The following CCDC126 variants were observed in gnomAD, a reference collection of about 807,000 sequenced individuals.
CCDC126 encodes coiled-coil domain-containing protein 126.
A neutral mutation model predicts 11.7 loss-of-function variants in CCDC126; 5 were observed. That is an observed-to-expected ratio of 0.43 (90% confidence interval 0.22 to 0.90). The LOEUF (loss-of-function observed/expected upper bound fraction) is 0.90. Among genes scored for constraint, CCDC126 ranks in the 40% least tolerant of loss-of-function variants. The probability of loss-of-function intolerance (pLI) is 0.27; values close to 1 mark genes in which losing one functional copy is unlikely to be tolerated. For missense variants in CCDC126, 150 were observed against 163.1 expected (o/e 0.92, Z 0.44); for synonymous variants, 60 against 61.9 (o/e 0.97, Z 0.14).
chr7:23,636,066 G>C (rs1194322997), intron 3 of CCDC126, among the ~76,000 whole-genome samples: 1 of 151,982 alleles, frequency 6.6e-6, no homozygotes, highest in Non-Finnish European at 1.5e-5. Flanking sequence ...GGGTTTTGCT[G>C]TGTTGGCCGG....
intron 2 of CCDC126, among the ~76,000 whole-genome samples, chr7:23,606,911 C>T (rs906067214): frequency 6.0e-5 from 9 of 151,092 alleles, no homozygotes; most frequent in East Asian, 1.9e-4. Flanking sequence ...GACTGGGCAA[C>T]GTAATGAGAC....
rs1035409371 is a variant in CCDC126 at position 23,619,950 on chromosome 7, A to G, written c.238+8397A>G. Among the ~76,000 whole-genome samples, 12 of 151,880 alleles carry G rather than the reference A, an allele frequency of 7.9e-5. No individual in the cohort carries two copies. The East Asian group carries it at 2.1e-3, about 27-fold the overall frequency. ...GGCTGCATAGTATTCCATGGTGTCT[A>G]TGTGCCACATTTTCTTAATCCAGTC... On this transcript the variant is annotated intron_variant, in intron 3 of 3. Transcript: ENST00000307471.
chr7:23,612,491 A>C (rs1021869730), intron 3 of CCDC126, among the ~76,000 whole-genome samples: 6 of 149,598 alleles, frequency 4.0e-5, no homozygotes, highest in African/African-American at 1.2e-4. Flanking sequence ...AAAAAAAAAA[A>C]AAAAAAAAAA....
At chr7:23,618,816 G>A (rs61325565) in intron 3 of CCDC126, among the ~76,000 whole-genome samples, 4 of 151,940 alleles carry the variant, frequency 2.6e-5, no homozygotes, top group African/African-American at 4.8e-5. Flanking sequence ...CCACCTCCCA[G>A]AGTGCTGGGA....
rs1783408354 is a variant in CCDC126, at chr7:23,643,736, G to A, written c.*621G>A. 1 of 152,530 alleles carries A rather than the reference G, an allele frequency of 6.6e-6. No homozygotes were observed. Among genetic ancestry groups the A allele is most frequent in the East Asian group, 1.9e-4 (1 of 5,182 alleles). The allele number at this position is 152,530 out of a possible 1,614,324, so 9.4% of individuals were successfully genotyped here. A position where few individuals can be genotyped will look rare whatever the true frequency, so the allele number is the denominator to read the frequency against. On this transcript the variant is annotated 3_prime_UTR_variant, in exon 4 of 4. Coordinates refer to ENST00000307471, the MANE Select transcript of CCDC126 (RefSeq NM_138771.4). ...ATTTTTAAAAATTACACTTATAAGA[G>A]TATAATCTTGAAATGGGTAGCAGCC...
chr7:23,618,538 ATTT>A (rs5741645), intron 3 of CCDC126, among the ~76,000 whole-genome samples: 61 of 119,590 alleles, frequency 5.1e-4, no homozygotes, highest in African/African-American at 9.0e-4. Flanking sequence ...GATCAGCTAA[ATTT>A]TTTTTTTTTT....
At chr7:23,615,741 C>CA (rs1169268813) in intron 3 of CCDC126, among the ~76,000 whole-genome samples, 4 of 152,242 alleles carry the variant, frequency 2.6e-5, no homozygotes, top group Admixed American at 1.3e-4. Flanking sequence ...GGGAGAGAGA[C>CA]AGAGGAAAGG....
intron 2 of CCDC126, among the ~76,000 whole-genome samples, chr7:23,608,017 A>G (rs1047859568): frequency 6.6e-6 from 1 of 152,226 alleles, no homozygotes; most frequent in Non-Finnish European, 1.5e-5. Context: ...GTGGCCGAAT[A>G]TACATATTTA....
At position 23,611,348 on chromosome 7, in the gene CCDC126, C is replaced by T. The variant is rs1302719719; in HGVS notation, c.33C>T (p.Ser11=). 1.2e-6 allele frequency: 2 copies of T among 1,611,820 alleles called. No homozygotes were observed. Among genetic ancestry groups the T allele is most frequent in the Non-Finnish European group, 1.7e-6 (2 of 1,178,774 alleles). The part of the protein sequence containing the change: MFFTISRKNM[S]QKLSLLLLVF... ...TTACAATCTCAAGAAAAAATATGTC[C>T]CAGAAATTGAGTTTACTGTTGCTTG... Residue 11 remains serine, a synonymous_variant, in exon 3 of 4, where the codon TCC becomes TCT. Coordinates refer to ENST00000307471, the MANE Select transcript of CCDC126 (RefSeq NM_138771.4).
intron 3 of CCDC126, among the ~76,000 whole-genome samples, chr7:23,625,211 T>C (rs986643519): frequency 6.6e-6 from 1 of 152,234 alleles, no homozygotes; most frequent in African/African-American, 2.4e-5. Context: ...GCTGAACTTT[T>C]TTTGTGTGTT....
At chr7:23,604,081 T>C (rs1782583770) in intron 2 of CCDC126, 1 of 152,244 alleles carries the variant, frequency 6.6e-6, no homozygotes, top group Admixed American at 6.5e-5. Context: ...CTCGTCTCCT[T>C]TCAGACTACT....
intron 3 of CCDC126, among the ~76,000 whole-genome samples, chr7:23,612,779 G>A (rs1001586106): frequency 1.3e-5 from 2 of 152,134 alleles, no homozygotes; most frequent in Admixed American, 6.5e-5. Context: ...GCCATCAATT[G>A]TATAGCATTT....
intron 3 of CCDC126, among the ~76,000 whole-genome samples, chr7:23,630,001 A>G (rs1487244968): frequency 6.6e-6 from 1 of 152,240 alleles, no homozygotes; most frequent in Non-Finnish European, 1.5e-5. Flanking sequence ...GGATAAACCC[A>G]TGCTAAGAAT....
At chr7:23,642,836 G>A in intron 3 of CCDC126, 95 bp from the exon 4 acceptor site, 2 of 957,094 alleles carry the variant, frequency 2.1e-6, no homozygotes, top group Non-Finnish European at 1.6e-6. Context: ...TCCCTCAGAT[G>A]ACCCAGTAGT....
At chr7:23,625,448 A>G (rs1183463698) in intron 3 of CCDC126, among the ~76,000 whole-genome samples, 1 of 152,112 alleles carries the variant, frequency 6.6e-6, no homozygotes, top group Non-Finnish European at 1.5e-5. Context: ...GTGACCATTT[A>G]TATGCAGACT....
intron 3 of CCDC126, chr7:23,622,841 A>G (rs1438690663): frequency 9.8e-6 from 4 of 410,038 alleles, no homozygotes; most frequent in Non-Finnish European, 1.9e-5. Flanking sequence ...TACAAGACAC[A>G]ATTCCTCTGC....
chr7:23,624,382 G>A (rs1190383982), intron 3 of CCDC126, among the ~76,000 whole-genome samples: 2 of 151,934 alleles, frequency 1.3e-5, no homozygotes, highest in South Asian at 2.1e-4. Flanking sequence ...GCCTCATGTC[G>A]TCCTTCCACC....
chr7:23,638,939 T>C (rs1273754008), intron 3 of CCDC126, among the ~76,000 whole-genome samples: 1 of 147,790 alleles, frequency 6.8e-6, no homozygotes, highest in Admixed American at 6.8e-5. Flanking sequence ...ATAAAGGAGG[T>C]GATTGCCATG....
At chr7:23,601,820 A>C (rs1366151014) in intron 2 of CCDC126, 1 of 152,088 alleles carries the variant, frequency 6.6e-6, no homozygotes, top group African/African-American at 2.4e-5. Flanking sequence ...AGTAGCTGGG[A>C]CTACAGGTGC....
Sources: gnomAD v4.1 joint callset for allele counts (sites outside exome capture counted in the v4.1 genomes callset) on GRCh38, gnomAD v4.1.1 for gene constraint, MANE v1.5 for transcripts, NCBI Gene and HGNC (gene_info 2026-07-23, HGNC 2026-07-21) for gene names.